Variants in PAX2 observed in about 807,000 individuals in gnomAD.
The protein encoded by PAX2 is paired box protein Pax-2.
PAX2 carries 9 observed loss-of-function variants against 41.7 expected under a neutral mutation model. The observed-to-expected ratio is 0.22, with a 90% CI of 0.13 to 0.38. The LOEUF (loss-of-function observed/expected upper bound fraction) is 0.38. Ranked by LOEUF, PAX2 falls within the 10% of genes least tolerant of loss-of-function variation. PAX2 has a pLI of 1.00. For synonymous variants in PAX2, 221 were observed against 212.7 expected, an observed-to-expected ratio of 1.04 and a Z score of -0.34; for missense variants, 418 against 531.6, an observed-to-expected ratio of 0.79 and a Z score of 2.10.
chr10:100,826,741 G>C lies in PAX2; in HGVS notation c.1022-268G>C, dbSNP rs918021490. 4.6e-5 allele frequency among the ~76,000 whole-genome samples: 7 copies of C among 152,290 alleles called. No individual in the cohort carries two copies. The highest frequency in any genetic ancestry group is 2.6e-4 in the Admixed American group (4 of 15,300). On this transcript the variant is annotated intron_variant, in intron 8 of 9. Coordinates refer to ENST00000355243, the MANE Select transcript of PAX2 (RefSeq NM_000278.5). The surrounding 1 kb of genome is among the most constrained non-coding windows in gnomAD (Gnocchi z 5.5). Reference sequence around the variant, plus strand: ...TTCGTGGGTGGCCGCGAGCGCCTCCGCTGGGAAGCCCTGGGCGGGCACCGG... The same window carrying C: ...TTCGTGGGTGGCCGCGAGCGCCTCCCCTGGGAAGCCCTGGGCGGGCACCGG...
intron 5 of PAX2, among the ~76,000 whole-genome samples, chr10:100,796,308 C>G (rs1847335429): frequency 6.6e-6 from 1 of 152,170 alleles, no homozygotes; most frequent in Non-Finnish European, 1.5e-5. Context: ...ACCATATAAA[C>G]AGCTTCATGT....
At chr10:100,759,092 G>A (rs1213908745) in intron 3 of PAX2, among the ~76,000 whole-genome samples, 1 of 152,170 alleles carries the variant, frequency 6.6e-6, no homozygotes, top group Non-Finnish European at 1.5e-5. Context: ...GCAGGAAATG[G>A]CACGGCAGAG....
intron 3 of PAX2, among the ~76,000 whole-genome samples, chr10:100,751,877 C>T (rs1845456524): frequency 6.6e-6 from 1 of 152,190 alleles, no homozygotes; most frequent in African/African-American, 2.4e-5. Flanking sequence ...CTTGGCCCCC[C>T]ATTTTGAGAC....
chr10:100,759,584 G>T (rs959681799), intron 3 of PAX2, among the ~76,000 whole-genome samples: 4 of 152,314 alleles, frequency 2.6e-5, no homozygotes, highest in African/African-American at 9.6e-5. Context: ...TCCTCTGCCT[G>T]CCCTCAGTCC....
intron 7 of PAX2, among the ~76,000 whole-genome samples, chr10:100,816,168 C>T (rs1443089412): frequency 6.6e-6 from 1 of 152,182 alleles, no homozygotes; most frequent in Non-Finnish European, 1.5e-5. Flanking sequence ...AGGGGCCAGT[C>T]TGAATTTGAA....
intron 7 of PAX2, among the ~76,000 whole-genome samples, chr10:100,816,218 G>C (rs1448102427): frequency 6.6e-6 from 1 of 152,232 alleles, no homozygotes; most frequent in Non-Finnish European, 1.5e-5. Context: ...TTGCTATCAA[G>C]TGCATAACAA....
chr10:100,737,614 C>T (rs578146746), intron 1 of PAX2, among the ~76,000 whole-genome samples: 7 of 152,376 alleles, frequency 4.6e-5, no homozygotes, highest in African/African-American at 1.4e-4. Context: ...CGAGGCGGCT[C>T]CGCAGAGCAG....
At chr10:100,820,379 A>G (rs1005622022) in intron 7 of PAX2, among the ~76,000 whole-genome samples, 2 of 152,234 alleles carry the variant, frequency 1.3e-5, no homozygotes, top group African/African-American at 4.8e-5. Flanking sequence ...CACCCTTGAA[A>G]CAAGGAAGTT....
At chr10:100,752,556 G>A (rs1242544203) in intron 3 of PAX2, among the ~76,000 whole-genome samples, 1 of 152,238 alleles carries the variant, frequency 6.6e-6, no homozygotes, top group Non-Finnish European at 1.5e-5. Flanking sequence ...ACAGCCAAGG[G>A]CCAAGAGTGG....
chr10:100,777,066 G>A (rs1846413472), intron 3 of PAX2, among the ~76,000 whole-genome samples: 2 of 150,844 alleles, frequency 1.3e-5, no homozygotes, highest in South Asian at 4.2e-4. Flanking sequence ...TTTAGAGGCT[G>A]CATTCTGAGT....
intron 7 of PAX2, among the ~76,000 whole-genome samples, chr10:100,817,328 C>T (rs1042694396): frequency 4.6e-5 from 7 of 152,226 alleles, no homozygotes; most frequent in African/African-American, 1.7e-4. Flanking sequence ...TATCCAAGTT[C>T]CTTCTCAGCC....
chr10:100,805,038 A>T (rs1341260862), intron 5 of PAX2, among the ~76,000 whole-genome samples: 2 of 125,342 alleles, frequency 1.6e-5, no homozygotes, highest in African/African-American at 6.7e-5. Context: ...ACACACACAC[A>T]CACACACACA....
chr10:100,826,355 A>C lies in PAX2; in HGVS notation c.1022-654A>C, dbSNP rs911159743. 2.0e-5 allele frequency among the ~76,000 whole-genome samples: 3 copies of C among 152,080 alleles called. No individual in the cohort carries two copies. Among genetic ancestry groups the C allele is most frequent in the African/African-American group, 7.2e-5 (3 of 41,414 alleles). ...GGCCTGGCCTTTCTCCCGCAGAGGG[A>C]GGGAGGTAGCTTCCGACGACGGCTC... On this transcript the variant is annotated intron_variant, in intron 8 of 9. Transcript: ENST00000355243. The surrounding 1 kb of genome is among the most constrained non-coding windows in gnomAD (Gnocchi z 5.5).
chr10:100,788,400 T>A (rs1589857027), intron 5 of PAX2, among the ~76,000 whole-genome samples: 1 of 151,936 alleles, frequency 6.6e-6, no homozygotes, highest in African/African-American at 2.4e-5. Context: ...AGGGCTGGGG[T>A]CAGTAAAGGC....
rs61608651 is a variant in PAX2, at chr10:100,791,306, C to G, written c.616+9941C>G. ...TTTACACCTTGCCCTTCTCTTTCTG[C>G]CCCAGGCTTCACCTTTTTCAGGAGG... On this transcript the variant is annotated intron_variant, in intron 5 of 9. Coordinates refer to ENST00000355243, the MANE Select transcript of PAX2 (RefSeq NM_000278.5). This position sits in a 1 kb window ranked among gnomAD's most constrained non-coding sequence, Gnocchi z 4.5. Among the ~76,000 whole-genome samples, 6,926 of 152,254 alleles carry G rather than the reference C, an allele frequency of 0.045. 443 individuals carry two copies. The highest frequency in any genetic ancestry group is 0.14 in the African/African-American group (5,730 of 41,518).
rs1845379077 is a variant in PAX2, at chr10:100,750,113, T to TCA, written c.212+201_212+202dup. ...ACCCAGGAGCGAGGGTGGCGCAGTG[T>TCA]CACCCAGTGCTTGCCCTGCCCCTGG... On this transcript the variant is annotated intron_variant, in intron 2 of 9. Coordinates refer to ENST00000355243, the MANE Select transcript of PAX2 (RefSeq NM_000278.5). The surrounding 1 kb of genome is among the most constrained non-coding windows in gnomAD (Gnocchi z 4.1). Among the ~76,000 whole-genome samples the TCA allele has an allele frequency of 6.6e-6, 1 of 152,142 alleles. No individual in the cohort carries two copies. The highest frequency in any genetic ancestry group is 1.5e-5 in the Non-Finnish European group (1 of 68,036).
chr10:100,757,059 G>A (rs1845660513), intron 3 of PAX2, among the ~76,000 whole-genome samples: 1 of 152,254 alleles, frequency 6.6e-6, no homozygotes, highest in Admixed American at 6.5e-5. Flanking sequence ...GTTTTCTCTT[G>A]TGGAACAGGC....
At position 100,737,838 on chromosome 10, in the gene PAX2, C is replaced by A. The variant is rs548646995; in HGVS notation, c.25+2105C>A. ...CGCGTGACCGAACGTGCCTGCCGGA[C>A]GTCCTGGCGCAACTGCCGCAGCCGG... On this transcript the variant is annotated intron_variant, in intron 1 of 9. Coordinates refer to the PAX2 transcript ENST00000679374. Among the ~76,000 whole-genome samples the A allele has an allele frequency of 1.1e-3, 160 of 152,318 alleles. 1 individual carries two copies. The highest frequency in any genetic ancestry group is 3.2e-3 in the African/African-American group (133 of 41,580).
At position 100,750,995 on chromosome 10, in the gene PAX2, T is replaced by C; in HGVS notation, c.410+104T>C. ...CTGCTCTTTGTCCAGCCTCTGCCCT[T>C]TCTCCCTGCTTCCAGCCCCAAATCC... On this transcript the variant is annotated intron_variant, in intron 3 of 9. Transcript: ENST00000355243. This position sits in a 1 kb window ranked among gnomAD's most constrained non-coding sequence, Gnocchi z 4.1. 1.1e-6 allele frequency: 1 copy of C among 889,866 alleles called. No homozygotes were observed. The highest frequency in any genetic ancestry group is 1.8e-5 in the Admixed American group (1 of 54,188). 55.1% of individuals were successfully genotyped at this position (889,866 alleles called of 1,614,324 possible). A position where few individuals can be genotyped will look rare whatever the true frequency, so the allele number is the denominator to read the frequency against.
Sources: gnomAD v4.1 joint callset for allele counts (sites outside exome capture counted in the v4.1 genomes callset) on GRCh38, gnomAD v4.1.1 for gene constraint, Gnocchi (gnomAD v3.1) non-coding constraint, MANE v1.5 for transcripts, NCBI Gene and HGNC (gene_info 2026-07-23, HGNC 2026-07-21) for gene names.